The following DNAH9 variants were observed in gnomAD, a reference collection of about 807,000 sequenced individuals.
DNAH9 encodes the protein DNAH9 variant protein.
Under a neutral mutation model 471.6 loss-of-function variants are expected in DNAH9, and 345 were observed. The ratio of observed to expected loss-of-function variants is 0.73; its 90% CI spans 0.67 to 0.80. The LOEUF (loss-of-function observed/expected upper bound fraction) is 0.80, where lower values mean the gene tolerates loss of function less well. DNAH9 is among the 30% of genes least tolerant of loss of function. The probability of loss-of-function intolerance (pLI) is 0.00; values close to 1 mark genes in which losing one functional copy is unlikely to be tolerated. For synonymous variants in DNAH9, 2,093 were observed against 2,123.6 expected, an observed-to-expected ratio of 0.99 and a Z score of 0.40; for missense variants, 5,407 against 5,609.2, an observed-to-expected ratio of 0.96 and a Z score of 1.15.
chr17:11,855,439 G>A (rs868395886), intron 50 of DNAH9, among the ~76,000 whole-genome samples: 1 of 152,134 alleles, frequency 6.6e-6, no homozygotes, highest in Middle Eastern at 3.2e-3. Flanking sequence ...AGATAATGTG[G>A]AGTCTTTGTG....
chr17:11,859,147 T>C (rs1177185080), intron 50 of DNAH9, among the ~76,000 whole-genome samples: 1 of 148,446 alleles, frequency 6.7e-6, no homozygotes, highest in Non-Finnish European at 1.5e-5. Flanking sequence ...GCATGGTGGC[T>C]CACACCTGTA....
At chr17:11,908,753 T>C (rs1973689210) in intron 61 of DNAH9, among the ~76,000 whole-genome samples, 1 of 152,186 alleles carries the variant, frequency 6.6e-6, no homozygotes, top group South Asian at 2.1e-4. Flanking sequence ...ACAAAAAGAA[T>C]CTCCTGTCCT....
rs1268502572 is a variant in DNAH9, at chr17:11,626,485, C to T, written c.1351-2932C>T. Among the ~76,000 whole-genome samples, 2 of 152,148 alleles carry T rather than the reference C, an allele frequency of 1.3e-5. No individual in the cohort carries two copies. The highest frequency in any genetic ancestry group is 2.4e-5 in the African/African-American group (1 of 41,432). ...CCTCCAACATCAAACTTATTAAAAC[C>T]CCTTCAGCGATGGAGAGCTCCCTCC... On this transcript the variant is annotated intron_variant, in intron 6 of 68. Coordinates refer to ENST00000262442, the MANE Select transcript of DNAH9 (RefSeq NM_001372.4). This position sits in a 1 kb window ranked among gnomAD's most constrained non-coding sequence, Gnocchi z 4.3.
At position 11,699,796 on chromosome 17, in the gene DNAH9, T is replaced by C; in HGVS notation, c.4938T>C (p.Ser1646=). The C allele has an allele frequency of 1.2e-6, 2 of 1,614,186 alleles. No homozygotes were observed. Among genetic ancestry groups the C allele is most frequent in the South Asian group, 2.2e-5 (2 of 91,076 alleles). ...MAKMRFQLDA[S]GEPTKTSLGM... ...AGATGCGATTCCAGCTAGATGCCAGTGGGGAACCAACCAAGACAAGCCTCG... is the reference window on the plus strand; with the variant it reads ...AGATGCGATTCCAGCTAGATGCCAGCGGGGAACCAACCAAGACAAGCCTCG... The change falls in exon 23 of 69, where the codon AGT becomes AGC. Residue 1646 remains serine (S), a synonymous_variant. Coordinates refer to ENST00000262442, the MANE Select transcript of DNAH9 (RefSeq NM_001372.4).
chr17:11,904,756 C>A (rs976783792), intron 60 of DNAH9, among the ~76,000 whole-genome samples: 3 of 151,622 alleles, frequency 2.0e-5, no homozygotes, highest in African/African-American at 7.3e-5. Flanking sequence ...TGAGCCCAGT[C>A]GAGAAGGCTA....
At chr17:11,650,597 A>G (rs983101962) in intron 12 of DNAH9, among the ~76,000 whole-genome samples, 1 of 152,216 alleles carries the variant, frequency 6.6e-6, no homozygotes, top group African/African-American at 2.4e-5. Flanking sequence ...CCTCCTCTCA[A>G]TCCTGCCAGT....
chr17:11,628,967 G>A (rs911946436), intron 6 of DNAH9, among the ~76,000 whole-genome samples: 10 of 152,020 alleles, frequency 6.6e-5, no homozygotes, highest in Admixed American at 2.6e-4. Flanking sequence ...TTACCAGCCC[G>A]ATCTAATAAT....
intron 52 of DNAH9, among the ~76,000 whole-genome samples, chr17:11,872,319 C>T (rs1233521633): frequency 3.3e-5 from 5 of 151,868 alleles, no homozygotes; most frequent in Non-Finnish European, 2.9e-5. Context: ...TTGTCCTCCT[C>T]GTGTGGCTAG....
chr17:11,794,277 C>T (rs1969168262), intron 42 of DNAH9, among the ~76,000 whole-genome samples: 1 of 151,952 alleles, frequency 6.6e-6, no homozygotes, highest in African/African-American at 2.4e-5. Context: ...AGGGTTTCAC[C>T]GAGGTCGATC....
intron 52 of DNAH9, among the ~76,000 whole-genome samples, chr17:11,874,640 G>T (rs143168187): frequency 2.0e-5 from 3 of 152,120 alleles, no homozygotes; most frequent in African/African-American, 4.8e-5. Context: ...AGAGTGTGTA[G>T]GAGGTCGTAG....
At chr17:11,764,157 C>A (rs1567784946) in intron 36 of DNAH9, among the ~76,000 whole-genome samples, 1 of 152,184 alleles carries the variant, frequency 6.6e-6, no homozygotes, top group Non-Finnish European at 1.5e-5. Flanking sequence ...TGGAATTTAT[C>A]TTATAGTGTT....
At chr17:11,684,844 C>T (rs1312407120) in intron 19 of DNAH9, among the ~76,000 whole-genome samples, 2 of 152,190 alleles carry the variant, frequency 1.3e-5, no homozygotes, top group Non-Finnish European at 2.9e-5. Flanking sequence ...GACCTTCTTG[C>T]ACAGTGTCTG....
chr17:11,775,885 C>A (rs1968411143), intron 38 of DNAH9, among the ~76,000 whole-genome samples: 1 of 152,268 alleles, frequency 6.6e-6, no homozygotes, highest in African/African-American at 2.4e-5. Context: ...AGCCACCGCG[C>A]CGGGCCAATC....
At chr17:11,943,519 A>G (rs1975012510) in intron 67 of DNAH9, among the ~76,000 whole-genome samples, 1 of 152,050 alleles carries the variant, frequency 6.6e-6, no homozygotes, top group Non-Finnish European at 1.5e-5. Flanking sequence ...TCTACTAAAA[A>G]TGCAGAAATT....
chr17:11,913,011 C>A (rs1283443146), intron 61 of DNAH9, among the ~76,000 whole-genome samples: 1 of 151,938 alleles, frequency 6.6e-6, no homozygotes. Flanking sequence ...CTACTAAAAA[C>A]ACAAAAACTA....
intron 43 of DNAH9, among the ~76,000 whole-genome samples, chr17:11,802,656 A>G (rs1969508872): frequency 6.6e-6 from 1 of 151,596 alleles, no homozygotes; most frequent in South Asian, 2.1e-4. Flanking sequence ...GACAAAAAAA[A>G]AAAAAAAGTG....
At chr17:11,914,028 T>C (rs907713861) in intron 61 of DNAH9, among the ~76,000 whole-genome samples, 4 of 152,184 alleles carry the variant, frequency 2.6e-5, no homozygotes, top group Non-Finnish European at 4.4e-5. Flanking sequence ...ACAGCACATA[T>C]ATTCTAATAT....
Position 11,669,394 on chromosome 17 carries a change from T to A in DNAH9, c.2953T>A (p.Leu985Met). The A allele has an allele frequency of 6.2e-7, 1 of 1,613,298 alleles. No individual in the cohort carries two copies. Among genetic ancestry groups the A allele is most frequent in the Non-Finnish European group, 8.5e-7 (1 of 1,179,538 alleles). Residue 985 changes from leucine (L) to methionine (M), a missense_variant, in exon 17 of 69, where the codon TTG (leucine) becomes ATG (methionine). By Grantham distance (15) the Leu-to-Met change is conservative. This residue lies in a region of DNAH9 where 4,636 missense variants were observed against 4,900.3 expected (regional missense o/e 0.95). Coordinates refer to ENST00000262442, the MANE Select transcript of DNAH9 (RefSeq NM_001372.4). ...GGTCGACCTGGACGGTATACCAGAT[T>A]TGGCAAACATGCGGCGCACACTCAT... The part of the protein sequence containing the change: ...YQVDLDGIPD[L>M]ANMRRTLMER...
chr17:11,960,435 TAAAAAA>T (rs3074845), intron 67 of DNAH9, among the ~76,000 whole-genome samples: 10,903 of 53,998 alleles, frequency 0.2, 999 homozygotes, highest in South Asian at 0.33. Flanking sequence ...GACTCTGTCT[TAAAAAA>T]AAAAAAAAAA....
Sources: gnomAD v4.1 joint callset for allele counts (sites outside exome capture counted in the v4.1 genomes callset) on GRCh38, gnomAD v4.1.1 for gene constraint, gnomAD v4.1.1 regional missense constraint, Gnocchi (gnomAD v3.1) non-coding constraint, MANE v1.5 for transcripts, NCBI Gene and HGNC (gene_info 2026-07-23, HGNC 2026-07-21) for gene names.